Variants in POLR3A observed in about 807,000 individuals in gnomAD.
POLR3A encodes the protein DNA-directed RNA polymerase III subunit RPC1.
Under a neutral mutation model 152.8 loss-of-function variants are expected in POLR3A, and 112 were observed. The observed-to-expected ratio is 0.73, with a 90% CI of 0.63 to 0.86. The LOEUF (loss-of-function observed/expected upper bound fraction) is 0.86. Ranked by LOEUF, POLR3A falls within the 40% of genes least tolerant of loss-of-function variation. POLR3A has a pLI of 0.00. For synonymous variants in POLR3A, 615 were observed against 652.1 expected (o/e 0.94, Z 0.87); for missense variants, 1,385 against 1,743.1 (o/e 0.79, Z 3.66).
rs140966742 is a variant in POLR3A at position 78,002,156 on chromosome 10, G to A, written c.2359+41C>T. 3.6e-4 allele frequency: 453 copies of A among 1,264,578 alleles called. 2 individuals are homozygous for A. Among genetic ancestry groups the A allele is most frequent in the Middle Eastern group, 1.3e-3 (6 of 4,714 alleles). The allele number at this position is 1,264,578 out of a possible 1,614,324, so 78.3% of individuals were successfully genotyped here. A position where few individuals can be genotyped will look rare whatever the true frequency, so the allele number is the denominator to read the frequency against. ...TTTTCTGGAGCCAAACAGCCTGTAC[G>A]GAGAACACACTGCCAGCAGGTGAGA... On this transcript the variant is annotated intron_variant, in intron 17 of 30. Transcript: ENST00000372371.
rs75601148 is a variant in POLR3A at position 78,000,333 on chromosome 10, G to T, written c.2479-215C>A. On this transcript the variant is annotated intron_variant, in intron 18 of 30. Transcript: ENST00000372371. Reference sequence around the variant, plus strand: ...GAGGGCCCAGCCAGGGCTGGTGCTGGTGCCAGTGGCAGGCAAGTGGCCCAA... The same window carrying T: ...GAGGGCCCAGCCAGGGCTGGTGCTGTTGCCAGTGGCAGGCAAGTGGCCCAA... Among the ~76,000 whole-genome samples the T allele has an allele frequency of 6.8e-4, 104 of 152,300 alleles. 1 individual carries two copies. Among genetic ancestry groups the T allele is most frequent in the African/African-American group, 2.2e-3 (93 of 41,570 alleles).
At chr10:78,025,803 C>A (rs190761799) in intron 2 of POLR3A, 44 bp from the exon 3 acceptor site, 1 of 1,597,768 alleles carries the variant, frequency 6.3e-7, no homozygotes, top group African/African-American at 1.3e-5. Context: ...GACTGCTGGA[C>A]GGGAAAGAGT....
intron 19 of POLR3A, among the ~76,000 whole-genome samples, chr10:77,995,650 G>C (rs996375434): frequency 3.3e-5 from 5 of 152,072 alleles, no homozygotes; most frequent in African/African-American, 1.2e-4. Flanking sequence ...GGAGCACCCA[G>C]ATTCATAAAG....
chr10:77,987,154 C>T (rs1355678559), intron 21 of POLR3A, among the ~76,000 whole-genome samples: 2 of 152,122 alleles, frequency 1.3e-5, no homozygotes, highest in African/African-American at 2.4e-5. Context: ...CAGACTGGCT[C>T]TTAAAGCAAT....
At chr10:78,010,371 G>T in intron 12 of POLR3A, 100 bp downstream of exon 12, 1 of 963,444 alleles carries the variant, frequency 1.0e-6, no homozygotes, top group Non-Finnish European at 1.7e-6. Flanking sequence ...TTAAACACAG[G>T]CTATTAAATA....
intron 30 of POLR3A, among the ~76,000 whole-genome samples, chr10:77,979,560 G>T (rs1000761454): frequency 6.6e-6 from 1 of 152,218 alleles, no homozygotes; most frequent in African/African-American, 2.4e-5. Context: ...ATGTTTTGTC[G>T]AGTGGCGGGG....
Position 78,013,533 on chromosome 10 carries a change from A to G in POLR3A, c.1572+117T>C, listed in dbSNP as rs953363658. The G allele has an allele frequency of 9.4e-6, 10 of 1,067,564 alleles. No individual in the cohort carries two copies. The African/African-American group carries it at 1.6e-4, about 17-fold the overall frequency. 66.1% of individuals were successfully genotyped at this position (1,067,564 alleles called of 1,614,324 possible). On this transcript the variant is annotated intron_variant, in intron 11 of 30. Transcript: ENST00000372371. ...TAGGCAGTTAGTGGTCGGTTTAAGA[A>G]CAGAAAGAGCCTGGCTTCTTTGGCG...
chr10:77,982,420 A>G (rs1425573087), intron 27 of POLR3A, 102 bp from the exon 28 acceptor site: 1 of 1,156,948 alleles, frequency 8.6e-7, no homozygotes. Context: ...CTGTTAACAC[A>G]CTAGAGCTAG....
rs267602588 is a variant in POLR3A at position 77,977,585 on chromosome 10, C to T, written c.4066G>A (p.Gly1356Arg). 1 of 1,613,980 alleles carries T rather than the reference C, an allele frequency of 6.2e-7. No individual in the cohort carries two copies. Among genetic ancestry groups the T allele is most frequent in the Non-Finnish European group, 8.5e-7 (1 of 1,179,894 alleles). Residue 1356 changes from glycine to arginine, a missense_variant, in exon 31 of 31, where the codon GGA becomes AGA. By Grantham distance (125) the Gly-to-Arg change is moderately radical. Around this residue, in one of 7 missense-constraint regions of POLR3A, gnomAD observed 332 missense variants for 400.1 expected, o/e 0.83. Transcript: ENST00000372371. ...TGAAGCAGCTTGAAGAGCCCGGTTC[C>T]AATGTTCATTGGGATTCCCATGATG... ...CIIMGIPMNI[G>R]TGLFKLLHKA...
At chr10:77,979,765 C>T (rs1050205099) in intron 30 of POLR3A, among the ~76,000 whole-genome samples, 4 of 152,344 alleles carry the variant, frequency 2.6e-5, no homozygotes, top group Non-Finnish European at 5.9e-5. Context: ...ACACTCTGCT[C>T]TGCCCAGCGC....
chr10:78,026,686 A>G (rs776348895), intron 1 of POLR3A, among the ~76,000 whole-genome samples: 4 of 152,188 alleles, frequency 2.6e-5, no homozygotes, highest in Admixed American at 6.5e-5. Context: ...ACCACCTAGC[A>G]TTACAACCTT....
intron 21 of POLR3A, among the ~76,000 whole-genome samples, chr10:77,989,165 C>T (rs1847224542): frequency 1.3e-5 from 2 of 152,102 alleles, no homozygotes; most frequent in Non-Finnish European, 2.9e-5. Flanking sequence ...AAAATTCACA[C>T]TGAGTCAACC....
At chr10:77,999,400 G>A (rs35325146) in intron 19 of POLR3A, among the ~76,000 whole-genome samples, 173 of 152,028 alleles carry the variant, frequency 1.1e-3, no homozygotes, top group Admixed American at 3.1e-3. Flanking sequence ...ACAAGAAGAC[G>A]TATTTTTCAC....
Position 77,984,318 on chromosome 10 carries a change from A to G in POLR3A, c.3243-20T>C. 6.9e-7 allele frequency: 1 copy of G among 1,443,568 alleles called. No individual in the cohort carries two copies. Among genetic ancestry groups the G allele is most frequent in the Non-Finnish European group, 9.8e-7 (1 of 1,024,670 alleles). 89.4% of individuals were successfully genotyped at this position (1,443,568 alleles called of 1,614,324 possible). On this transcript the variant is annotated intron_variant, in intron 24 of 30. Transcript: ENST00000372371. ...GGAGTGCTGTTGAGAAGCAAAGGAAAAATGGCACTAGCACAAGGGAGGAGG... is the reference window on the plus strand; with the variant it reads ...GGAGTGCTGTTGAGAAGCAAAGGAAGAATGGCACTAGCACAAGGGAGGAGG...
Position 77,982,771 on chromosome 10 carries a change from C to A in POLR3A, c.3476G>T (p.Arg1159Leu), listed in dbSNP as rs150484386. ...AACAGCCACATCACCGGGCTTCACA[C>A]GGAGCTTGGATGTGCAGATGGAATA... ...VRYSICTSKL[R>L]VKPGDVAVHG... Residue 1159 changes from arginine to leucine, a missense_variant, in exon 27 of 31, where the codon CGT (arginine) becomes CTT (leucine). Around this residue, in one of 7 missense-constraint regions of POLR3A, gnomAD observed 332 missense variants for 400.1 expected, o/e 0.83. Transcript: ENST00000372371. The A allele has an allele frequency of 4.3e-6, 7 of 1,613,928 alleles. No individual in the cohort carries two copies. In the Admixed American group the frequency reaches 1.0e-4, roughly 23 times the overall value.
Position 77,985,967 on chromosome 10 carries a change from G to A in POLR3A, c.3007C>T (p.Leu1003=). The change falls in exon 23 of 31, where the codon CTG becomes TTG. Residue 1003 remains leucine, a synonymous_variant. Coordinates refer to ENST00000372371, the MANE Select transcript of POLR3A (RefSeq NM_007055.4). ...GTTEPRVLYQ[L]DRITPTQVEK... The stretch of plus-strand genomic sequence containing the variant: ...ACTTGGGTGGGGGTGATGCGGTCCA[G>A]CTGGTACAGCACACGGGGCTGGGAG... 2 of 1,614,102 alleles carry A rather than the reference G, an allele frequency of 1.2e-6. No individual in the cohort carries two copies. Among genetic ancestry groups the A allele is most frequent in the Non-Finnish European group, 1.7e-6 (2 of 1,179,980 alleles).
chr10:77,984,097 G>T, intron 25 of POLR3A, 85 bp from the exon 26 acceptor site: 1 of 1,237,650 alleles, frequency 8.1e-7, no homozygotes, highest in Non-Finnish European at 1.2e-6. Context: ...TGAAGAGCTT[G>T]AGTAGTGTGG....
At chr10:77,996,704 T>C (rs1412723754) in intron 19 of POLR3A, among the ~76,000 whole-genome samples, 2 of 152,016 alleles carry the variant, frequency 1.3e-5, no homozygotes, top group African/African-American at 2.4e-5. Context: ...CAGGACCAGA[T>C]GGATTCACAG....
intron 10 of POLR3A, among the ~76,000 whole-genome samples, chr10:78,015,270 G>A (rs1344666149): frequency 6.6e-6 from 1 of 152,148 alleles, no homozygotes; most frequent in Non-Finnish European, 1.5e-5. Context: ...TGCATATAGA[G>A]GATGGGAATA....
Sources: allele counts gnomAD v4.1 joint callset (sites outside exome capture counted in the v4.1 genomes callset), GRCh38; gene constraint gnomAD v4.1.1; regional missense constraint gnomAD v4.1.1; transcripts MANE v1.5; gene names NCBI Gene and HGNC (gene_info 2026-07-23, HGNC 2026-07-21).